The following ZNF41 variants were observed in gnomAD, a reference collection of about 807,000 sequenced individuals.
ZNF41 encodes zinc finger protein 41.
ZNF41 carries 6 observed loss-of-function variants against 9.3 expected under a neutral mutation model. That is an observed-to-expected ratio of 0.65 (90% CI 0.35 to 1.28). ZNF41 has a LOEUF of 1.28. ZNF41 is among the 50% of genes most tolerant of loss of function. The pLI is 0.03. For missense variants in ZNF41, 523 were observed against 585.8 expected, an observed-to-expected ratio of 0.89 and a Z score of 1.11; for synonymous variants, 192 against 207.1, an observed-to-expected ratio of 0.93 and a Z score of 0.63.
chrX:47,456,260 G>A lies in ZNF41; in HGVS notation c.199+12C>T, dbSNP rs909540215. On this transcript the variant is annotated intron_variant, in intron 3 of 4. Coordinates refer to ENST00000684689, the MANE Select transcript of ZNF41 (RefSeq NM_001324144.2). ...ACCCTCATTAGCAGATGCATAGGGC[G>A]GCCGTGCTTACCCACTGAGAGCAGG... is the stretch of plus-strand genomic sequence containing the variant. The A allele has an allele frequency of 1.7e-5, 20 of 1,209,089 alleles. No homozygotes were observed. Among genetic ancestry groups the A allele is most frequent in the African/African-American group, 3.5e-5 (2 of 57,006 alleles).
chrX:47,449,177 T>C lies in ZNF41; in HGVS notation c.593A>G (p.His198Arg). 8.3e-7 allele frequency: 1 copy of C among 1,211,399 alleles called. No individual in the cohort carries two copies. Among genetic ancestry groups the C allele is most frequent in the South Asian group, 1.8e-5 (1 of 56,976 alleles). ...RLHNCDTILK[H>R]TLNSHNHNRN... ...ATTATGATTATGTGAGTTTAAAGTATGCTTCAAAATTGTGTCACAGTTATG... is the reference window on the plus strand; with the variant it reads ...ATTATGATTATGTGAGTTTAAAGTACGCTTCAAAATTGTGTCACAGTTATG... Residue 198 changes from histidine to arginine, a missense_variant, in exon 5 of 5, where the codon CAT (histidine) becomes CGT (arginine). By Grantham distance (29) the His-to-Arg change is conservative. Transcript: ENST00000684689.
intron 2 of ZNF41, among the ~76,000 whole-genome samples, chrX:47,459,899 C>T (rs1398951312): frequency 1.9e-5 from 2 of 107,258 alleles, no homozygotes; most frequent in African/African-American, 3.4e-5. Flanking sequence ...GCTGAGATCA[C>T]GCCATTGCAC....
rs756877253 is a variant in ZNF41, at chrX:47,448,087, T to C, written c.1683A>G (p.Ile561Met). The C allele has an allele frequency of 7.4e-6, 9 of 1,209,720 alleles. No homozygotes were observed. The highest frequency in any genetic ancestry group is 5.3e-5 in the African/African-American group (3 of 57,096). Reference sequence around the variant, plus strand: ...GATGTATTTTGAGGCGCGACTTCCATATGAAGGCTTTTCCACAGCCATTGC... The same window carrying C: ...GATGTATTTTGAGGCGCGACTTCCACATGAAGGCTTTTCCACAGCCATTGC... ...YKCNGCGKAF[I>M]WKSRLKIHQK... Residue 561 changes from isoleucine (I) to methionine (M), a missense_variant, in exon 5 of 5, where the codon ATA becomes ATG. Transcript: ENST00000684689.
chrX:47,452,557 C>T (rs750616257), intron 4 of ZNF41, among the ~76,000 whole-genome samples: 30 of 111,717 alleles, frequency 2.7e-4, no homozygotes, highest in Admixed American at 2.1e-3. Context: ...TCCTTGGATG[C>T]TTGCTCACAA....
chrX:47,455,351 G>A (rs930504413), intron 4 of ZNF41, among the ~76,000 whole-genome samples: 6 of 108,894 alleles, frequency 5.5e-5, no homozygotes, highest in South Asian at 4.0e-4. Context: ...CTGGGAGGCC[G>A]AGTCAGGCAG....
Position 47,449,474 on chromosome X carries a change from C to T in ZNF41, c.296G>A (p.Gly99Asp). Residue 99 changes from glycine to aspartate, a missense_variant and splice_region_variant, in exon 5 of 5, where the codon GGT becomes GAT. Gly to Asp is a moderately conservative substitution (Grantham distance 94, BLOSUM62 -1). Transcript: ENST00000684689. ...EGEAPHQSCS[G>D]EAIGKMQQQG... ...TTGCTGCATTTTCCCAATAGCCTCA[C>T]CTAAAAAGAAAATGAAAGAAATGAA... The T allele has an allele frequency of 2.5e-6, 3 of 1,203,822 alleles. No homozygotes were observed. The highest frequency in any genetic ancestry group is 3.4e-6 in the Non-Finnish European group (3 of 891,318).
At chrX:47,474,193 G>A (rs1183056575) in intron 1 of ZNF41, among the ~76,000 whole-genome samples, 2 of 112,605 alleles carry the variant, frequency 1.8e-5, no homozygotes, top group Non-Finnish European at 3.8e-5. Context: ...TGGGCCAGGC[G>A]CGGTGGCTCA....
At position 47,459,468 on chromosome X, in the gene ZNF41, C is replaced by T. The variant is rs185809634; in HGVS notation, c.73-3070G>A. 3.1e-4 allele frequency among the ~76,000 whole-genome samples: 33 copies of T among 105,329 alleles called. No individual in the cohort carries two copies. The Admixed American group carries it at 3.2e-3, about 10-fold the overall frequency. 91.5% of individuals were successfully genotyped at this position (105,329 alleles called of 115,157 possible). On this transcript the variant is annotated intron_variant, in intron 2 of 4. Transcript: ENST00000684689. ...TCAACAAATGTTGCCAGGGCCTGGG[C>T]GTGGAGGCTCACACCTGTAACCCCA... is the stretch of plus-strand genomic sequence containing the variant.
intron 2 of ZNF41, among the ~76,000 whole-genome samples, chrX:47,462,484 T>A (rs1160075212): frequency 9.0e-6 from 1 of 111,245 alleles, no homozygotes; most frequent in East Asian, 2.8e-4. Flanking sequence ...CTCTAACTAT[T>A]CATGCCTCCT....
intron 4 of ZNF41, among the ~76,000 whole-genome samples, chrX:47,450,033 C>T (rs1440861689): frequency 9.0e-6 from 1 of 111,411 alleles, no homozygotes; most frequent in African/African-American, 3.3e-5. Context: ...TCCCTCTATA[C>T]CATTATGAGT....
At position 47,447,422 on chromosome X, in the gene ZNF41, A is replaced by G; in HGVS notation, c.*8T>C. The G allele has an allele frequency of 8.3e-7, 1 of 1,210,093 alleles. No individual in the cohort carries two copies. The highest frequency in any genetic ancestry group is 1.1e-6 in the Non-Finnish European group (1 of 895,438). ...ATACCCAGTTGTGATTTCCAGGTGA[A>G]GACTTTCTCAGTCACTGGCTTTATA... On this transcript the variant is annotated 3_prime_UTR_variant, in exon 5 of 5. Transcript: ENST00000684689.
At chrX:47,463,153 C>T (rs959180235) in intron 2 of ZNF41, among the ~76,000 whole-genome samples, 13 of 110,688 alleles carry the variant, frequency 1.2e-4, no homozygotes, top group South Asian at 3.8e-4. Flanking sequence ...TATGCTCTCC[C>T]GTGATGTTCA....
chrX:47,447,220 G>A lies in ZNF41; in HGVS notation c.*210C>T. ...TGCTTTCTCTAAAGGCTCTTCCTAT[G>A]CATAGAATTGCATATACACTGTGGT... On this transcript the variant is annotated 3_prime_UTR_variant, in exon 5 of 5. Transcript: ENST00000684689. The A allele has an allele frequency of 2.2e-6, 1 of 452,379 alleles. No homozygotes were observed. The highest frequency in any genetic ancestry group is 2.4e-5 in the African/African-American group (1 of 41,281). The allele number at this position is 452,379 out of a possible 1,213,427, so 37.3% of individuals were successfully genotyped here. A position where few individuals can be genotyped will look rare whatever the true frequency, so the allele number is the denominator to read the frequency against.
intron 4 of ZNF41, among the ~76,000 whole-genome samples, chrX:47,450,603 C>T (rs943081130): frequency 1.8e-5 from 2 of 111,750 alleles, no homozygotes; most frequent in Non-Finnish European, 3.8e-5. Context: ...AATCTGCAGG[C>T]CCTCCCCTGA....
At chrX:47,460,335 A>G (rs899259258) in intron 2 of ZNF41, among the ~76,000 whole-genome samples, 1 of 112,477 alleles carries the variant, frequency 8.9e-6, no homozygotes, top group African/African-American at 3.2e-5. Context: ...AGCCTTTAGA[A>G]GATAATACAG....
chrX:47,467,282 C>T (rs774341538), intron 2 of ZNF41, 128 bp downstream of exon 2: 1 of 1,154,374 alleles, frequency 8.7e-7, no homozygotes, highest in African/African-American at 1.8e-5. Flanking sequence ...TGATCTGTCT[C>T]CAGGGTGGCA....
At chrX:47,465,738 T>C (rs1028848603) in intron 2 of ZNF41, among the ~76,000 whole-genome samples, 1 of 110,225 alleles carries the variant, frequency 9.1e-6, no homozygotes, top group Non-Finnish European at 1.9e-5. Context: ...GCCCAGGAGG[T>C]TGAGGCTGCA....
intron 1 of ZNF41, among the ~76,000 whole-genome samples, chrX:47,469,033 C>T (rs773052488): frequency 1.1e-4 from 12 of 111,170 alleles, no homozygotes; most frequent in Admixed American, 8.7e-4. Flanking sequence ...CAATTTTAGC[C>T]GGGCGCGGTG....
rs369915434 is a variant in ZNF41 at position 47,445,448 on chromosome X, C to T, written c.*1982G>A. Reference sequence around the variant, plus strand: ...GGTTTGGAGGACAAGAAAATAAAACCGAAAACTAAAACTGACATATCACTA... The same window carrying T: ...GGTTTGGAGGACAAGAAAATAAAACTGAAAACTAAAACTGACATATCACTA... On this transcript the variant is annotated 3_prime_UTR_variant, in exon 5 of 5. Transcript: ENST00000684689. Among the ~76,000 whole-genome samples the T allele has an allele frequency of 1.8e-5, 2 of 111,241 alleles. No individual in the cohort carries two copies. Among genetic ancestry groups the T allele is most frequent in the South Asian group, 3.8e-4 (1 of 2,620 alleles).
Sources: gnomAD v4.1 joint callset for allele counts (sites outside exome capture counted in the v4.1 genomes callset) on GRCh38, gnomAD v4.1.1 for gene constraint, MANE v1.5 for transcripts, NCBI Gene and HGNC (gene_info 2026-07-23, HGNC 2026-07-21) for gene names.